NCOA3: variants seen among roughly 807,000 people sequenced by gnomAD.
The protein encoded by NCOA3 is CBP-interacting protein.
A neutral mutation model predicts 158.8 loss-of-function variants in NCOA3; 51 were observed. The observed-to-expected ratio is 0.32, with a 90% CI of 0.26 to 0.41. NCOA3 has a LOEUF of 0.41. NCOA3 is among the 10% of genes least tolerant of loss of function. The pLI is 1.00. For missense variants in NCOA3, 1,510 were observed against 1,746.6 expected, an observed-to-expected ratio of 0.86 and a Z score of 2.41; for synonymous variants, 537 against 592.4, an observed-to-expected ratio of 0.91 and a Z score of 1.36.
At chr20:47,542,686 G>T (rs1239665133) in intron 1 of NCOA3, among the ~76,000 whole-genome samples, 2 of 152,244 alleles carry the variant, frequency 1.3e-5, no homozygotes, top group Admixed American at 6.5e-5. Context: ...AATTGGCCAG[G>T]CATGGTGGCT....
Position 47,509,495 on chromosome 20 carries a change from G to T in NCOA3, c.-99+7476G>T, listed in dbSNP as rs189395356. Among the ~76,000 whole-genome samples, 59 of 152,328 alleles carry T rather than the reference G, an allele frequency of 3.9e-4. 1 individual carries two copies. The highest frequency in any genetic ancestry group is 3.4e-3 in the Admixed American group (52 of 15,298). The stretch of plus-strand genomic sequence containing the variant: ...GGATTTTCAGTCCCCTCCTTCTCGT[G>T]TAAGAAAAGCAAGTGTTACTTTCTT... On this transcript the variant is annotated intron_variant, in intron 1 of 22. Transcript: ENST00000371998.
At chr20:47,540,910 A>C (rs2084716719) in intron 1 of NCOA3, among the ~76,000 whole-genome samples, 1 of 152,196 alleles carries the variant, frequency 6.6e-6, no homozygotes, top group Admixed American at 6.5e-5. Context: ...ATTTTCAGTT[A>C]GTGAGATTAT....
In NCOA3 at chr20:47,654,969, G is replaced by C. The variant is rs191666426; in HGVS notation, c.*1552G>C. 1 of 152,140 alleles carries C rather than the reference G, an allele frequency of 6.6e-6. No homozygotes were observed. The highest frequency in any genetic ancestry group is 1.5e-5 in the Non-Finnish European group (1 of 67,996). 9.4% of individuals were successfully genotyped at this position (152,140 alleles called of 1,614,324 possible). On this transcript the variant is annotated 3_prime_UTR_variant, in exon 23 of 23. Transcript: ENST00000371998. ...GACCTGAATCCCATATTGAGATCTC[G>C]AGTAGAATCCTTGGTGTGGTTTCTG...
Position 47,627,924 on chromosome 20 carries a change from T to G in NCOA3, c.724T>G (p.Leu242Val). The G allele has an allele frequency of 6.2e-7, 1 of 1,613,218 alleles. No homozygotes were observed. Among genetic ancestry groups the G allele is most frequent in the Non-Finnish European group, 8.5e-7 (1 of 1,179,440 alleles). ...PRAMMEEGEDLQSCMICVARR... is the reference protein window; with the variant it reads ...PRAMMEEGEDVQSCMICVARR... The stretch of plus-strand genomic sequence containing the variant: ...CCAGGGTGAATTTTTTATTGTAGAT[T>G]TGCAATCTTGTATGATCTGTGTGGC... The change falls in exon 8 of 23, where the codon TTG becomes GTG. Residue 242 changes from leucine (L) to valine (V), a missense_variant and splice_region_variant. Around this residue, in one of 4 missense-constraint regions of NCOA3, gnomAD observed 309 missense variants for 427.1 expected, o/e 0.72. Transcript: ENST00000371998.
intron 1 of NCOA3, among the ~76,000 whole-genome samples, chr20:47,561,369 T>TGCAGCTTTGA (rs2085103058): frequency 6.6e-6 from 1 of 150,982 alleles, no homozygotes; most frequent in Non-Finnish European, 1.5e-5. Flanking sequence ...GGCATGTTCA[T>TGCAGCTTTGA]AGCTCACTGC....
intron 1 of NCOA3, among the ~76,000 whole-genome samples, chr20:47,579,362 A>G (rs1034798832): frequency 4.6e-5 from 7 of 152,202 alleles, no homozygotes; most frequent in East Asian, 3.8e-4. Flanking sequence ...TCAGATGTCT[A>G]ATGTTTCTGG....
intron 1 of NCOA3, among the ~76,000 whole-genome samples, chr20:47,515,400 C>G (rs939330084): frequency 2.6e-5 from 4 of 151,540 alleles, no homozygotes; most frequent in Non-Finnish European, 5.9e-5. Flanking sequence ...GATCCACCCC[C>G]CTCGGCCTCC....
chr20:47,628,305 T>G (rs1234154193), intron 8 of NCOA3: 1 of 297,568 alleles, frequency 3.4e-6, no homozygotes, highest in Non-Finnish European at 6.1e-6. Flanking sequence ...AAATTGCATT[T>G]TGCGTCAGAA....
chr20:47,577,924 A>G (rs144007419), intron 1 of NCOA3, among the ~76,000 whole-genome samples: 24 of 152,328 alleles, frequency 1.6e-4, no homozygotes, highest in African/African-American at 5.3e-4. Flanking sequence ...ATATCACAAG[A>G]TATGTGGTAA....
rs1466228810 is a variant in NCOA3, at chr20:47,635,729, T to C, written c.1504+16T>C. The C allele has an allele frequency of 2.3e-5, 36 of 1,581,778 alleles. No homozygotes were observed. Among genetic ancestry groups the C allele is most frequent in the Non-Finnish European group, 3.0e-5 (35 of 1,167,822 alleles). On this transcript the variant is annotated intron_variant, in intron 11 of 22. Coordinates refer to ENST00000371998, the MANE Select transcript of NCOA3 (RefSeq NM_181659.3). ...CCTGTTGCAGGTATTTGTGTTGACA[T>C]TTCCTTTTATTTTTTTTCTTTTTAA... is the stretch of plus-strand genomic sequence containing the variant.
intron 2 of NCOA3, among the ~76,000 whole-genome samples, chr20:47,594,741 G>A (rs1003809553): frequency 1.4e-5 from 2 of 142,056 alleles, no homozygotes; most frequent in African/African-American, 5.2e-5. Flanking sequence ...GGTGGCTCAC[G>A]CCTGTAATCC....
chr20:47,613,643 C>T (rs754870670), intron 2 of NCOA3, among the ~76,000 whole-genome samples: 7 of 151,986 alleles, frequency 4.6e-5, no homozygotes, highest in African/African-American at 9.7e-5. Flanking sequence ...CCAGGCGCGG[C>T]GGCTCACGCC....
intron 2 of NCOA3, 64 bp downstream of exon 2, chr20:47,583,325 T>G: frequency 2.5e-6 from 1 of 397,450 alleles, no homozygotes; most frequent in East Asian, 3.6e-5. Context: ...CTGAAGATAT[T>G]ACCCTCCTCT....
At chr20:47,631,537 A>C (rs1201476788) in intron 8 of NCOA3, 1 of 152,198 alleles carries the variant, frequency 6.6e-6, no homozygotes, top group African/African-American at 2.4e-5. Flanking sequence ...TTGAGTATGT[A>C]TATTTGGTGT....
Position 47,543,046 on chromosome 20 carries a change from C to A in NCOA3, c.-98-40137C>A, listed in dbSNP as rs531808735. Among the ~76,000 whole-genome samples the A allele has an allele frequency of 2.6e-5, 4 of 152,256 alleles. No homozygotes were observed. The South Asian group carries it at 8.3e-4, about 32-fold the overall frequency. ...TGAAGGTTAGGACTCTGGGAGTAGC[C>A]TAGCTGGGGAGTTGTGGTTTTAGTA... On this transcript the variant is annotated intron_variant, in intron 1 of 22. Transcript: ENST00000371998.
At chr20:47,580,666 A>G (rs562341053) in intron 1 of NCOA3, among the ~76,000 whole-genome samples, 25 of 152,254 alleles carry the variant, frequency 1.6e-4, no homozygotes, top group African/African-American at 5.8e-4. Flanking sequence ...AGGAAAAAAC[A>G]TAAGAGAACC....
rs545375540 is a variant in NCOA3, at chr20:47,653,368, ATTTT to A, written c.4264-19_4264-16del. Reference sequence around the variant, plus strand: ...GTTGTGCAAAGCATGTGTTTTACTCATTTTTTTTTTTTTTTTTTTTTTCCTGGTT... The same window carrying A: ...GTTGTGCAAAGCATGTGTTTTACTCATTTTTTTTTTTTTTTTTTCCTGGTT... On this transcript the variant is annotated intron_variant, in intron 22 of 22. Coordinates refer to ENST00000371998, the MANE Select transcript of NCOA3 (RefSeq NM_181659.3). 2,042 of 1,380,534 alleles carry A rather than the reference ATTTT, an allele frequency of 1.5e-3. 1 individual carries two copies. Among genetic ancestry groups the A allele is most frequent in the African/African-American group, 6.5e-3 (386 of 59,664 alleles). The allele number at this position is 1,380,534 out of a possible 1,614,324, so 85.5% of individuals were successfully genotyped here.
rs557796428 is a variant in NCOA3, at chr20:47,580,571, C to G, written c.-98-2612C>G. ...AAACTCCATCCCCCACCCCCATCCC[C>G]CCAAAAAATCCTTTCCTTATCCCAC... On this transcript the variant is annotated intron_variant, in intron 1 of 22. Coordinates refer to ENST00000371998, the MANE Select transcript of NCOA3 (RefSeq NM_181659.3). Among the ~76,000 whole-genome samples, 6 of 152,034 alleles carry G rather than the reference C, an allele frequency of 3.9e-5. No homozygotes were observed. The East Asian group carries it at 1.2e-3, about 29-fold the overall frequency.
chr20:47,559,607 G>A (rs1237672918), intron 1 of NCOA3, among the ~76,000 whole-genome samples: 1 of 152,044 alleles, frequency 6.6e-6, no homozygotes, highest in African/African-American at 2.4e-5. Context: ...CAGGCTCTGC[G>A]TGGTGGCTCA....
Sources: allele counts gnomAD v4.1 joint callset (sites outside exome capture counted in the v4.1 genomes callset), GRCh38; gene constraint gnomAD v4.1.1; regional missense constraint gnomAD v4.1.1; transcripts MANE v1.5; gene names NCBI Gene and HGNC (gene_info 2026-07-23, HGNC 2026-07-21).